PRICKLE1: variants seen among roughly 807,000 people sequenced by gnomAD.
The protein encoded by PRICKLE1 is prickle-like protein 1.
Under a neutral mutation model 70.2 loss-of-function variants are expected in PRICKLE1, and 14 were observed. The observed-to-expected ratio is 0.20, with a 90% CI of 0.13 to 0.31. The LOEUF is 0.31. PRICKLE1 is among the 10% of genes least tolerant of loss of function. PRICKLE1 has a pLI of 1.00. For synonymous variants in PRICKLE1, 357 were observed against 379.9 expected (o/e 0.94, Z 0.70); for missense variants, 821 against 1,026.2 (o/e 0.80, Z 2.73).
At chr12:42,572,467 A>AT (rs1474547329) in intron 1 of PRICKLE1, among the ~76,000 whole-genome samples, 71 of 149,528 alleles carry the variant, frequency 4.7e-4, no homozygotes, top group African/African-American at 1.6e-3. Context: ...AAATAAATAA[A>AT]TAAATTAAAA....
At chr12:42,514,765 A>C (rs1235726491) in intron 1 of PRICKLE1, among the ~76,000 whole-genome samples, 1 of 152,144 alleles carries the variant, frequency 6.6e-6, no homozygotes, top group Non-Finnish European at 1.5e-5. Flanking sequence ...TGTTTTGAGA[A>C]ACAGCAGTTC....
chr12:42,506,092 T>C (rs1939405051), intron 1 of PRICKLE1, among the ~76,000 whole-genome samples: 1 of 151,860 alleles, frequency 6.6e-6, no homozygotes, highest in Non-Finnish European at 1.5e-5. Flanking sequence ...GTCTTCAAGG[T>C]TGCGTATCAA....
At chr12:42,526,214 T>C (rs111270716) in intron 1 of PRICKLE1, among the ~76,000 whole-genome samples, 417 of 151,634 alleles carry the variant, frequency 2.8e-3, no homozygotes, top group African/African-American at 9.5e-3. Context: ...GGCACTTTTC[T>C]AGACCTTAGA....
intron 7 of PRICKLE1, among the ~76,000 whole-genome samples, chr12:42,462,223 C>G (rs926785761): frequency 6.7e-6 from 1 of 150,206 alleles, no homozygotes; most frequent in Non-Finnish European, 1.5e-5. Context: ...TTTTTTGAGA[C>G]AGAGTCTTGC....
chr12:42,468,645 C>T lies in PRICKLE1; in HGVS notation c.569G>A (p.Arg190Gln), dbSNP rs1455993779. The T allele has an allele frequency of 1.9e-6, 3 of 1,613,976 alleles. No individual in the cohort carries two copies. Among genetic ancestry groups the T allele is most frequent in the Non-Finnish European group, 2.5e-6 (3 of 1,179,966 alleles). The change falls in exon 5 of 8, where the codon CGG becomes CAG. Residue 190 changes from arginine to glutamine, a missense_variant. By Grantham distance (43) the Arg-to-Gln change is conservative. Transcript: ENST00000345127. The stretch of plus-strand genomic sequence containing the variant: ...TTTTACCTCGTCACATGCTGAGCAC[C>T]GTGGTTTGAGCAGTTCTGCATGGTG... Reference protein sequence around the residue: ...GRHHAELLKPRCSACDEIIFA... With the variant: ...GRHHAELLKPQCSACDEIIFA...
chr12:42,459,258 T>G lies in PRICKLE1; in HGVS notation c.*551A>C, dbSNP rs950820414. The G allele has an allele frequency of 9.7e-5, 49 of 504,140 alleles. No individual in the cohort carries two copies. The East Asian group carries it at 1.1e-3, about 12-fold the overall frequency. The allele number at this position is 504,140 out of a possible 1,614,324, so 31.2% of individuals were successfully genotyped here. On this transcript the variant is annotated 3_prime_UTR_variant, in exon 8 of 8. Transcript: ENST00000345127. ...AGTTATAAATAGCAATGTTTTTTGTTTTTTTTTTTCAATCTGTAGCTGGCG... is the reference window on the plus strand; with the variant it reads ...AGTTATAAATAGCAATGTTTTTTGTGTTTTTTTTTCAATCTGTAGCTGGCG...
At chr12:42,466,021 A>T (rs1017297750) in intron 6 of PRICKLE1, 173 bp downstream of exon 6, 4 of 714,980 alleles carry the variant, frequency 5.6e-6, no homozygotes, top group Non-Finnish European at 9.5e-6. Flanking sequence ...ACAAGAATCA[A>T]CTCTCTGTTC....
chr12:42,501,387 G>A (rs1187876256), intron 1 of PRICKLE1, among the ~76,000 whole-genome samples: 1 of 151,496 alleles, frequency 6.6e-6, no homozygotes, highest in Non-Finnish European at 1.5e-5. Context: ...GCGCGTGCCT[G>A]TAGTCCCAGC....
intron 1 of PRICKLE1, among the ~76,000 whole-genome samples, chr12:42,581,715 C>G (rs1940903948): frequency 6.6e-6 from 1 of 151,248 alleles, no homozygotes. Flanking sequence ...CCACTGCACT[C>G]CAGCCTGGGT....
intron 1 of PRICKLE1, among the ~76,000 whole-genome samples, chr12:42,514,968 C>T (rs967880423): frequency 6.6e-6 from 1 of 151,616 alleles, no homozygotes; most frequent in African/African-American, 2.4e-5. Context: ...CTTGCTCTGT[C>T]CCCAGGTAGG....
At chr12:42,532,021 G>A (rs1247491991) in intron 1 of PRICKLE1, among the ~76,000 whole-genome samples, 2 of 152,074 alleles carry the variant, frequency 1.3e-5, no homozygotes, top group Non-Finnish European at 2.9e-5. Context: ...TAAATTAGCC[G>A]GGCATGGTGG....
At chr12:42,518,552 C>T (rs1939649985) in intron 1 of PRICKLE1, among the ~76,000 whole-genome samples, 1 of 152,158 alleles carries the variant, frequency 6.6e-6, no homozygotes, top group Non-Finnish European at 1.5e-5. Flanking sequence ...ACAACAGCTG[C>T]CAACCTAAAT....
chr12:42,472,113 T>C (rs1201373681), intron 2 of PRICKLE1, among the ~76,000 whole-genome samples: 1 of 152,198 alleles, frequency 6.6e-6, no homozygotes, highest in Non-Finnish European at 1.5e-5. Context: ...AACCAATGCA[T>C]ATGTAGTACT....
chr12:42,559,642 GGGT>G (rs1940471789), intron 1 of PRICKLE1, among the ~76,000 whole-genome samples: 1 of 120,914 alleles, frequency 8.3e-6, no homozygotes, highest in African/African-American at 3.0e-5. Context: ...TTTTTGGGGG[GGGT>G]AGAGATGGGG....
chr12:42,563,893 C>T (rs1392612455), intron 1 of PRICKLE1, among the ~76,000 whole-genome samples: 1 of 151,794 alleles, frequency 6.6e-6, no homozygotes, highest in Non-Finnish European at 1.5e-5. Flanking sequence ...ATAATGGGCA[C>T]AAACCAGAAT....
intron 1 of PRICKLE1, among the ~76,000 whole-genome samples, chr12:42,570,691 G>A (rs1209174549): frequency 6.6e-6 from 1 of 152,026 alleles, no homozygotes; most frequent in Non-Finnish European, 1.5e-5. Context: ...ATGGTAGTGG[G>A]TGCCTGTAAT....
chr12:42,465,803 A>G (rs1400702792), intron 6 of PRICKLE1: 5 of 336,756 alleles, frequency 1.5e-5, no homozygotes, highest in South Asian at 8.3e-5. Flanking sequence ...TGTGAGTTCA[A>G]TATTAATGCA....
intron 1 of PRICKLE1, among the ~76,000 whole-genome samples, chr12:42,516,998 A>G (rs1247415926): frequency 6.6e-6 from 1 of 152,126 alleles, no homozygotes; most frequent in African/African-American, 2.4e-5. Flanking sequence ...TGTGTTTCAT[A>G]GTGTAGAGAA....
intron 1 of PRICKLE1, among the ~76,000 whole-genome samples, chr12:42,557,212 G>C (rs1021577277): frequency 2.6e-5 from 4 of 152,126 alleles, no homozygotes; most frequent in Non-Finnish European, 4.4e-5. Flanking sequence ...TAAAATAATG[G>C]TTGAAGGCTT....
Sources: allele counts gnomAD v4.1 joint callset (sites outside exome capture counted in the v4.1 genomes callset), GRCh38; gene constraint gnomAD v4.1.1; transcripts MANE v1.5; gene names NCBI Gene and HGNC (gene_info 2026-07-23, HGNC 2026-07-21).